Variants in KIFC2 observed in about 807,000 individuals in gnomAD.
KIFC2 encodes kinesin family member C2.
KIFC2 carries 94 observed loss-of-function variants against 91.5 expected under a neutral mutation model. The ratio of observed to expected loss-of-function variants is 1.03; its 90% CI spans 0.87 to 1.22. KIFC2 has a LOEUF of 1.22. Ranked by LOEUF, KIFC2 falls within the 50% of genes most tolerant of loss-of-function variation. The probability of loss-of-function intolerance (pLI) is 0.00; values close to 1 mark genes in which losing one functional copy is unlikely to be tolerated. For synonymous variants in KIFC2, 729 were observed against 503.9 expected, an observed-to-expected ratio of 1.45 and a Z score of -5.98; for missense variants, 1,357 against 1,103.3, an observed-to-expected ratio of 1.23 and a Z score of -3.26.
intron 15 of KIFC2, 24 bp from the exon 16 acceptor site, chr8:144,472,553 C>A: frequency 6.2e-7 from 1 of 1,612,016 alleles, no homozygotes; most frequent in Non-Finnish European, 8.5e-7. Context: ...CTGCACCTGA[C>A]CAGCCCTTCG....
intron 7 of KIFC2, 46 bp from the exon 8 acceptor site, chr8:144,468,283 C>T (rs763218936): frequency 3.9e-6 from 6 of 1,524,386 alleles, no homozygotes; most frequent in Non-Finnish European, 5.4e-6. Flanking sequence ...AATGGTACCA[C>T]AGACCGTCCC....
At position 144,467,616 on chromosome 8, in the gene KIFC2, C is replaced by G. The variant is rs148072403; in HGVS notation, c.601C>G (p.Leu201Val). ...GAGGGCGTGGCAGCGGCTGGAGCAG[C>G]TCATCCTGGGACAGGTGAGGTCCCT... ...DQRAWQRLEQLILGQLEELKQ... is the reference protein window; with the variant it reads ...DQRAWQRLEQVILGQLEELKQ... Residue 201 changes from leucine to valine, a missense_variant, in exon 5 of 18, where the codon CTC becomes GTC. Coordinates refer to ENST00000645548, the MANE Select transcript of KIFC2 (RefSeq NM_001369769.2). The G allele has an allele frequency of 6.6e-5, 105 of 1,596,182 alleles. No individual in the cohort carries two copies. Among genetic ancestry groups the G allele is most frequent in the Non-Finnish European group, 8.7e-5 (102 of 1,170,742 alleles).
chr8:144,468,855 A>C, intron 10 of KIFC2, 21 bp downstream of exon 10: 1 of 1,589,482 alleles, frequency 6.3e-7, no homozygotes, highest in Non-Finnish European at 8.6e-7. Context: ...CTCCCCGCCT[A>C]GCCCCTCCTC....
rs146924845 is a variant in KIFC2, at chr8:144,467,619, A to T, written c.604A>T (p.Ile202Phe). ...GGCGTGGCAGCGGCTGGAGCAGCTC[A>T]TCCTGGGACAGGTGAGGTCCCTGGA... ...QRAWQRLEQL[I>F]LGQLEELKQQ... Residue 202 changes from isoleucine to phenylalanine, a missense_variant, in exon 5 of 18, where the codon ATC becomes TTC. By Grantham distance (21) the Ile-to-Phe change is conservative. Transcript: ENST00000645548. 8,542 of 1,593,904 alleles carry T rather than the reference A, an allele frequency of 5.4e-3. 37 individuals carry two copies. Among genetic ancestry groups the T allele is most frequent in the Non-Finnish European group, 6.8e-3 (7,960 of 1,169,336 alleles).
chr8:144,468,434 C>T (rs1824781874), intron 8 of KIFC2, 28 bp downstream of exon 8: 2 of 1,595,574 alleles, frequency 1.3e-6, no homozygotes, highest in Admixed American at 1.7e-5. Context: ...GGATCCATGG[C>T]TCAGGGGTGA....
intron 2 of KIFC2, 41 bp from the exon 3 acceptor site, chr8:144,466,918 C>A (rs1824673146): frequency 6.4e-7 from 1 of 1,571,972 alleles, no homozygotes. Flanking sequence ...GGCTCAAGCA[C>A]GTGACCCGAA....
upstream of KIFC2, chr8:144,466,265 C>T (rs1014472919): frequency 4.8e-6 from 1 of 208,022 alleles, no homozygotes; most frequent in Non-Finnish European, 9.4e-6. Context: ...GTTTCTAGTA[C>T]CCCCGTCCCC....
rs1486533387 is a variant in KIFC2, at chr8:144,468,713, T to A, written c.1004-12T>A. On this transcript the variant is annotated splice_polypyrimidine_tract_variant and intron_variant, in intron 9 of 17. Transcript: ENST00000645548. ...GGCTGGGCCTTCCCTTCCAACAGAC[T>A]TCCCTCTCCAGGACTTCGGGCACGG... The A allele has an allele frequency of 6.2e-7, 1 of 1,613,904 alleles. No individual in the cohort carries two copies. The highest frequency in any genetic ancestry group is 8.5e-7 in the Non-Finnish European group (1 of 1,179,916).
chr8:144,472,714 G>T lies in KIFC2; in HGVS notation c.1861+8G>T. 1.9e-6 allele frequency: 3 copies of T among 1,593,286 alleles called. No homozygotes were observed. Among genetic ancestry groups the T allele is most frequent in the Non-Finnish European group, 2.5e-6 (3 of 1,177,296 alleles). On this transcript the variant is annotated splice_region_variant and intron_variant, in intron 16 of 17. Coordinates refer to ENST00000645548, the MANE Select transcript of KIFC2 (RefSeq NM_001369769.2). ...GCGCTCCAGGCACCGCAGGTACCACGGCCGGTGCCTGAGCCCTGCGGAGTC... is the reference window on the plus strand; with the variant it reads ...GCGCTCCAGGCACCGCAGGTACCACTGCCGGTGCCTGAGCCCTGCGGAGTC...
chr8:144,470,436 GC>G (rs1824880128), intron 12 of KIFC2: 1 of 152,352 alleles, frequency 6.6e-6, no homozygotes, highest in Non-Finnish European at 1.5e-5. Context: ...CTGTGGACAA[GC>G]CCCTCATCTG....
rs931161747 is a variant in KIFC2 at position 144,472,408 on chromosome 8, G to C, written c.1655G>C (p.Gly552Ala). The C allele has an allele frequency of 6.2e-7, 1 of 1,612,854 alleles. No homozygotes were observed. Among genetic ancestry groups the C allele is most frequent in the African/African-American group, 1.3e-5 (1 of 74,892 alleles). ...CCCGAGCGCCTGGCCGTGAGGCAGGGCCCAGAAGGCCAGGGCGGGATCCAG... is the reference window on the plus strand; with the variant it reads ...CCCGAGCGCCTGGCCGTGAGGCAGGCCCCAGAAGGCCAGGGCGGGATCCAG... ...GPPERLAVRQ[G>A]PEGQGGIQVA... Residue 552 changes from glycine (G) to alanine (A), a missense_variant, in exon 15 of 18, where the codon GGC becomes GCC. Transcript: ENST00000645548.
Position 144,473,304 on chromosome 8 carries a change from C to G in KIFC2, c.2291C>G (p.Thr764Arg). The change falls in exon 18 of 18, where the codon ACG becomes AGG. Residue 764 changes from threonine to arginine, a missense_variant. Transcript: ENST00000645548. ...CTCACCGGGACCCCCTGCACCCCTA[C>G]GCCGTCCCCTGGCAGTCCTCCATGC... Reference protein sequence around the residue: ...TPLTGTPCTPTPSPGSPPCPS... With the variant: ...TPLTGTPCTPRPSPGSPPCPS... The G allele has an allele frequency of 1.2e-6, 2 of 1,604,880 alleles. No individual in the cohort carries two copies. Among genetic ancestry groups the G allele is most frequent in the Non-Finnish European group, 1.7e-6 (2 of 1,176,918 alleles).
chr8:144,472,711 C>T lies in KIFC2; in HGVS notation c.1861+5C>T, dbSNP rs1432405196. ...CGCGCGCTCCAGGCACCGCAGGTAC[C>T]ACGGCCGGTGCCTGAGCCCTGCGGA... On this transcript the variant is annotated splice_donor_5th_base_variant and intron_variant, in intron 16 of 17. Transcript: ENST00000645548. 1.9e-6 allele frequency: 3 copies of T among 1,593,368 alleles called. No homozygotes were observed. Among genetic ancestry groups the T allele is most frequent in the Non-Finnish European group, 1.7e-6 (2 of 1,177,408 alleles).
chr8:144,469,406 G>A, intron 11 of KIFC2, 27 bp downstream of exon 11: 3 of 1,611,954 alleles, frequency 1.9e-6, no homozygotes, highest in Middle Eastern at 1.7e-4. Flanking sequence ...AGCCTAGCGG[G>A]GCAGGGAGGG....
rs922224639 is a variant in KIFC2 at position 144,469,473 on chromosome 8, C to T, written c.1223-17C>T. 6.2e-7 allele frequency: 1 copy of T among 1,613,956 alleles called. No homozygotes were observed. Among genetic ancestry groups the T allele is most frequent in the East Asian group, 2.2e-5 (1 of 44,892 alleles). On this transcript the variant is annotated splice_polypyrimidine_tract_variant and intron_variant, in intron 11 of 17. Coordinates refer to ENST00000645548, the MANE Select transcript of KIFC2 (RefSeq NM_001369769.2). Reference sequence around the variant, plus strand: ...TAGGGTCTGCGAGGCATTATGCTGACCTGATCCCCACTGCAGGAAATATCC... The same window carrying T: ...TAGGGTCTGCGAGGCATTATGCTGATCTGATCCCCACTGCAGGAAATATCC...
chr8:144,473,414 G>A lies in KIFC2; in HGVS notation c.*25G>A. 1 of 1,566,668 alleles carries A rather than the reference G, an allele frequency of 6.4e-7. No individual in the cohort carries two copies. The highest frequency in any genetic ancestry group is 8.6e-7 in the Non-Finnish European group (1 of 1,162,418). On this transcript the variant is annotated 3_prime_UTR_variant, in exon 18 of 18. Coordinates refer to ENST00000645548, the MANE Select transcript of KIFC2 (RefSeq NM_001369769.2). ...GTCCTGGGTCGCGGCCCTGCCCATG[G>A]GGTCTCAGGCCAGGTCTCTGCTGGC...
At chr8:144,466,873 C>A (rs1399610950) in intron 2 of KIFC2, 35 bp downstream of exon 2, 28 of 1,535,872 alleles carry the variant, frequency 1.8e-5, no homozygotes, top group Admixed American at 3.9e-5. Flanking sequence ...GGTGCGAGGG[C>A]GGTGCCGGGA....
At chr8:144,466,546 C>T (rs1274629085) in intron 1 of KIFC2, 28 bp downstream of exon 1, 4 of 1,125,224 alleles carry the variant, frequency 3.6e-6, no homozygotes, top group Admixed American at 8.8e-5. Context: ...TGCAGCCCGT[C>T]GTCTCCCGCC....
chr8:144,467,209 G>A lies in KIFC2; in HGVS notation c.337G>A (p.Glu113Lys), dbSNP rs543944085. 4 of 1,613,598 alleles carry A rather than the reference G, an allele frequency of 2.5e-6. No individual in the cohort carries two copies. The highest frequency in any genetic ancestry group is 1.1e-5 in the South Asian group (1 of 91,090). The change falls in exon 4 of 18, where the codon GAG (glutamate) becomes AAG (lysine). Residue 113 changes from glutamate to lysine, a missense_variant. Glu to Lys is a moderately conservative substitution (Grantham distance 56). Transcript: ENST00000645548. ...ATTCTTGTCTCCTTCGCAGTCTGGC[G>A]AGGTCCCCTCACTGTTGACAGTGAC... ...GGPADLGQSG[E>K]VPSLLTVTSQ... is the part of the protein sequence containing the mutation.
Sources: allele counts gnomAD v4.1 joint callset, GRCh38; gene constraint gnomAD v4.1.1; transcripts MANE v1.5; gene names NCBI Gene and HGNC (gene_info 2026-07-23, HGNC 2026-07-21).